The following PLEKHM3 variants were observed in gnomAD, a reference collection of about 807,000 sequenced individuals.
The protein encoded by PLEKHM3 is pleckstrin homology domain-containing family M member 3.
PLEKHM3 carries 45 observed loss-of-function variants against 81.8 expected under a neutral mutation model. The observed-to-expected ratio is 0.55, with a 90% CI of 0.43 to 0.71. The LOEUF (loss-of-function observed/expected upper bound fraction) is 0.71. Among genes scored for constraint, PLEKHM3 ranks in the 30% least tolerant of loss-of-function variants. The pLI, the probability that PLEKHM3 is intolerant of heterozygous loss-of-function variation, is 0.00. For missense variants in PLEKHM3, 788 were observed against 924.3 expected (o/e 0.85, Z 1.91); for synonymous variants, 352 against 356.4 (o/e 0.99, Z 0.14).
At chr2:207,902,458 TTGAATTAC>T (rs1169582688) in intron 6 of PLEKHM3, among the ~76,000 whole-genome samples, 1 of 152,222 alleles carries the variant, frequency 6.6e-6, no homozygotes. Context: ...AGACCACTGT[TTGAATTAC>T]TTCTTTAGGG....
chr2:207,937,873 C>T (rs1425075459), intron 4 of PLEKHM3, among the ~76,000 whole-genome samples: 1 of 152,150 alleles, frequency 6.6e-6, no homozygotes, highest in Non-Finnish European at 1.5e-5. Context: ...CCTGTTAAAA[C>T]AGTCAGTGGG....
chr2:207,945,839 T>C (rs575724336), intron 4 of PLEKHM3, among the ~76,000 whole-genome samples: 1 of 151,790 alleles, frequency 6.6e-6, no homozygotes, highest in Admixed American at 6.6e-5. Flanking sequence ...AAGTGGAGGT[T>C]GCAGTGAGCA....
intron 1 of PLEKHM3, 79 bp from the exon 2 acceptor site, chr2:208,002,036 C>T (rs2106093865): frequency 5.2e-6 from 1 of 191,404 alleles, no homozygotes; most frequent in Middle Eastern, 2.4e-3. Flanking sequence ...AATTGCTTTC[C>T]CACCTCTATG....
At chr2:208,010,588 C>A (rs1692656877) in intron 1 of PLEKHM3, among the ~76,000 whole-genome samples, 1 of 152,182 alleles carries the variant, frequency 6.6e-6, no homozygotes, top group Admixed American at 6.5e-5. Context: ...ACTTTATCAG[C>A]CTCCAACTGC....
intron 5 of PLEKHM3, among the ~76,000 whole-genome samples, chr2:207,913,175 G>A (rs977377601): frequency 2.6e-5 from 4 of 152,148 alleles, no homozygotes; most frequent in African/African-American, 9.7e-5. Context: ...TAGCTCAGAT[G>A]TTGGGGCAGA....
intron 7 of PLEKHM3, among the ~76,000 whole-genome samples, chr2:207,860,663 C>T (rs998074799): frequency 9.9e-5 from 15 of 152,260 alleles, no homozygotes; most frequent in South Asian, 2.1e-4. Context: ...CATGCATCTG[C>T]GGAGAAAAGC....
intron 7 of PLEKHM3, among the ~76,000 whole-genome samples, chr2:207,859,434 G>A (rs373839180): frequency 7.3e-5 from 11 of 150,842 alleles, no homozygotes; most frequent in East Asian, 2.0e-4. Context: ...CACCACGCCC[G>A]GCTACTTTTT....
chr2:207,897,102 G>A (rs1331890414), intron 6 of PLEKHM3, among the ~76,000 whole-genome samples: 1 of 152,178 alleles, frequency 6.6e-6, no homozygotes, highest in Non-Finnish European at 1.5e-5. Flanking sequence ...AGCCACTGGG[G>A]AGGTCTGGTC....
At chr2:208,004,340 C>A (rs1437802593) in intron 1 of PLEKHM3, among the ~76,000 whole-genome samples, 1 of 151,750 alleles carries the variant, frequency 6.6e-6, no homozygotes, top group African/African-American at 2.4e-5. Context: ...ATCATTTGAA[C>A]CAGAGAGTCG....
chr2:207,980,973 C>A (rs938245836), intron 2 of PLEKHM3, among the ~76,000 whole-genome samples: 1 of 151,606 alleles, frequency 6.6e-6, no homozygotes, highest in Non-Finnish European at 1.5e-5. Flanking sequence ...ACTAAAAATA[C>A]AAAAATTAGT....
chr2:207,905,165 T>G lies in PLEKHM3; in HGVS notation c.1950+3349A>C, dbSNP rs1574391419. On this transcript the variant is annotated intron_variant, in intron 6 of 7. Coordinates refer to ENST00000427836, the MANE Select transcript of PLEKHM3 (RefSeq NM_001080475.3). ...ATTATTGTTTTTTCTGATTTATAAC[T>G]CTTGAGTCACTTGCTTTAGTTTATT... Among the ~76,000 whole-genome samples, 4 of 152,364 alleles carry G rather than the reference T, an allele frequency of 2.6e-5. No individual in the cohort carries two copies. The South Asian group carries it at 8.3e-4, about 32-fold the overall frequency.
rs533987939 is a variant in PLEKHM3, at chr2:207,856,582, T to C, written c.2108+4523A>G. Among the ~76,000 whole-genome samples the C allele has an allele frequency of 6.6e-5, 10 of 152,338 alleles. No individual in the cohort carries two copies. In the East Asian group the frequency reaches 1.7e-3, roughly 26 times the overall value. ...CGTATAGTACGTAGCCTTCTCAGAA[T>C]GGCTTTGCTCACTTGTGATACACGT... is the stretch of plus-strand genomic sequence containing the variant. On this transcript the variant is annotated intron_variant, in intron 7 of 7. Transcript: ENST00000427836.
chr2:207,877,102 A>C (rs990178098), intron 6 of PLEKHM3, among the ~76,000 whole-genome samples: 2 of 152,232 alleles, frequency 1.3e-5, no homozygotes, highest in Non-Finnish European at 2.9e-5. Context: ...GAAGGAAATG[A>C]AAACCATGGT....
At chr2:207,965,846 C>T (rs549620726) in intron 3 of PLEKHM3, among the ~76,000 whole-genome samples, 1 of 152,312 alleles carries the variant, frequency 6.6e-6, no homozygotes, top group East Asian at 1.9e-4. Flanking sequence ...ATTGATATTT[C>T]TACTAGTTTA....
At chr2:208,009,240 T>G (rs1412633949) in intron 1 of PLEKHM3, among the ~76,000 whole-genome samples, 3 of 152,222 alleles carry the variant, frequency 2.0e-5, no homozygotes, top group Non-Finnish European at 2.9e-5. Context: ...GCTATTGCTT[T>G]TCCAGTTATT....
At chr2:207,860,924 T>A (rs548649105) in intron 7 of PLEKHM3, among the ~76,000 whole-genome samples, 181 bp downstream of exon 7, 8 of 152,094 alleles carry the variant, frequency 5.3e-5, no homozygotes, top group Non-Finnish European at 1.2e-4. Flanking sequence ...GGTAGCGAGG[T>A]AAGGGGTGGA....
intron 3 of PLEKHM3, among the ~76,000 whole-genome samples, chr2:207,955,939 G>C (rs1690491743): frequency 6.6e-6 from 1 of 152,164 alleles, no homozygotes; most frequent in East Asian, 1.9e-4. Context: ...GAGGAAAGGA[G>C]GAAGCAATCA....
At chr2:207,896,804 T>C (rs1559226091) in intron 6 of PLEKHM3, among the ~76,000 whole-genome samples, 1 of 152,210 alleles carries the variant, frequency 6.6e-6, no homozygotes, top group African/African-American at 2.4e-5. Flanking sequence ...TCTGCCAACA[T>C]TTCAGTCTGG....
At chr2:208,013,076 C>T (rs1476533666) in intron 1 of PLEKHM3, among the ~76,000 whole-genome samples, 1 of 152,190 alleles carries the variant, frequency 6.6e-6, no homozygotes, top group Non-Finnish European at 1.5e-5. Context: ...AATAAGGAAT[C>T]ATTACTAATT....
Sources: allele counts gnomAD v4.1 joint callset (sites outside exome capture counted in the v4.1 genomes callset), GRCh38; gene constraint gnomAD v4.1.1; transcripts MANE v1.5; gene names NCBI Gene and HGNC (gene_info 2026-07-23, HGNC 2026-07-21).